CNTNAP2: variants seen among roughly 807,000 people sequenced by gnomAD.
The protein encoded by CNTNAP2 is contactin-associated protein-like 2.
CNTNAP2 carries 98 observed loss-of-function variants against 155.2 expected under a neutral mutation model. The ratio of observed to expected loss-of-function variants is 0.63; its 90% CI spans 0.54 to 0.75. CNTNAP2 has a LOEUF of 0.75. Ranked by LOEUF, CNTNAP2 falls within the 30% of genes least tolerant of loss-of-function variation. The pLI is 0.00. For synonymous variants in CNTNAP2, 651 were observed against 631.2 expected, an observed-to-expected ratio of 1.03 and a Z score of -0.47; for missense variants, 1,727 against 1,688.1, an observed-to-expected ratio of 1.02 and a Z score of -0.40.
At chr7:146,786,201 C>A (rs955339815) in intron 2 of CNTNAP2, among the ~76,000 whole-genome samples, 1 of 152,178 alleles carries the variant, frequency 6.6e-6, no homozygotes, top group African/African-American at 2.4e-5. Flanking sequence ...TATCTACTCT[C>A]CTGTGATTAA....
At chr7:147,193,794 T>G (rs970567885) in intron 8 of CNTNAP2, among the ~76,000 whole-genome samples, 1 of 152,032 alleles carries the variant, frequency 6.6e-6, no homozygotes, top group Non-Finnish European at 1.5e-5. Flanking sequence ...TACAAAAACT[T>G]CCATGCCCTT....
intron 13 of CNTNAP2, among the ~76,000 whole-genome samples, chr7:147,826,150 T>C (rs1030118951): frequency 2.6e-5 from 4 of 152,162 alleles, no homozygotes; most frequent in African/African-American, 9.7e-5. Flanking sequence ...ATGCCAGTTG[T>C]GTGAAGGATG....
At chr7:146,922,396 T>A (rs1240742284) in intron 3 of CNTNAP2, among the ~76,000 whole-genome samples, 2 of 152,180 alleles carry the variant, frequency 1.3e-5, no homozygotes, top group Non-Finnish European at 2.9e-5. Flanking sequence ...TTGACTTTTA[T>A]ATACAATACA....
In CNTNAP2 at chr7:146,517,929, C is replaced by A. The variant is rs538067236; in HGVS notation, c.98-256342C>A. Among the ~76,000 whole-genome samples the A allele has an allele frequency of 4.6e-5, 7 of 152,010 alleles. No homozygotes were observed. The East Asian group carries it at 1.4e-3, about 29-fold the overall frequency. On this transcript the variant is annotated intron_variant, in intron 1 of 23. Coordinates refer to ENST00000361727, the MANE Select transcript of CNTNAP2 (RefSeq NM_014141.6). ...ATTTAAACATTGGAAGAGGCGCTTT[C>A]AAATTTAAGCAATCAAGTGTATTCT...
At chr7:146,632,458 AT>A (rs1284048679) in intron 1 of CNTNAP2, among the ~76,000 whole-genome samples, 2 of 152,146 alleles carry the variant, frequency 1.3e-5, no homozygotes, top group African/African-American at 2.4e-5. Flanking sequence ...AGATTTTAAA[AT>A]CGATTTAGAC....
At chr7:147,927,522 T>C (rs1800416405) in intron 14 of CNTNAP2, among the ~76,000 whole-genome samples, 1 of 152,186 alleles carries the variant, frequency 6.6e-6, no homozygotes, top group African/African-American at 2.4e-5. Context: ...CTACTATGTG[T>C]TCACAAAAAT....
intron 12 of CNTNAP2, among the ~76,000 whole-genome samples, chr7:147,636,577 A>G (rs1795184422): frequency 6.6e-6 from 1 of 151,924 alleles, no homozygotes; most frequent in Non-Finnish European, 1.5e-5. Context: ...ATTTGTCCTA[A>G]TGCTCTCCCT....
chr7:146,261,052 A>G (rs1025437294), intron 1 of CNTNAP2, among the ~76,000 whole-genome samples: 1 of 151,788 alleles, frequency 6.6e-6, no homozygotes, highest in African/African-American at 2.4e-5. Context: ...ACAGGATATA[A>G]TTGTTTAAAA....
chr7:147,399,010 GATA>G (rs1162079002), intron 10 of CNTNAP2, among the ~76,000 whole-genome samples: 1 of 151,966 alleles, frequency 6.6e-6, no homozygotes, highest in Non-Finnish European at 1.5e-5. Context: ...CCGTTGAAAA[GATA>G]ATATTACTGC....
chr7:147,153,752 A>G (rs1421137881), intron 8 of CNTNAP2, among the ~76,000 whole-genome samples: 2 of 152,174 alleles, frequency 1.3e-5, no homozygotes, highest in Admixed American at 6.6e-5. Flanking sequence ...ACTGGAAGCA[A>G]CTAAAGTTTT....
chr7:146,648,047 C>T (rs1441292079), intron 1 of CNTNAP2, among the ~76,000 whole-genome samples: 3 of 152,102 alleles, frequency 2.0e-5, no homozygotes, highest in Non-Finnish European at 4.4e-5. Context: ...ATTTCCTCAC[C>T]TGACCTGGAG....
chr7:147,755,052 T>C (rs183288251), intron 13 of CNTNAP2, among the ~76,000 whole-genome samples: 29 of 152,330 alleles, frequency 1.9e-4, no homozygotes, highest in Admixed American at 3.3e-4. Context: ...TTCAAGGTTG[T>C]AAACTCTAAA....
At chr7:147,631,263 C>T (rs1352014529) in intron 12 of CNTNAP2, among the ~76,000 whole-genome samples, 4 of 151,962 alleles carry the variant, frequency 2.6e-5, no homozygotes, top group Non-Finnish European at 5.9e-5. Context: ...ATACTTAGGA[C>T]TATACCTAAC....
chr7:147,817,948 G>T (rs1444442812), intron 13 of CNTNAP2, among the ~76,000 whole-genome samples: 2 of 151,196 alleles, frequency 1.3e-5, no homozygotes, highest in African/African-American at 4.9e-5. Flanking sequence ...TTAAGCAGAT[G>T]TGGCTTATTT....
chr7:146,120,389 T>C (rs1175175206), intron 1 of CNTNAP2, among the ~76,000 whole-genome samples: 1 of 152,178 alleles, frequency 6.6e-6, no homozygotes, highest in African/African-American at 2.4e-5. Context: ...ATCTCGATTT[T>C]ATTATAGGCA....
At chr7:146,601,855 C>T (rs530342565) in intron 1 of CNTNAP2, among the ~76,000 whole-genome samples, 95 of 151,920 alleles carry the variant, frequency 6.3e-4, no homozygotes, top group African/African-American at 2.2e-3. Flanking sequence ...CTCCATATAC[C>T]ATTTCTTATA....
At chr7:146,476,201 AT>A (rs1261090711) in intron 1 of CNTNAP2, among the ~76,000 whole-genome samples, 1 of 152,170 alleles carries the variant, frequency 6.6e-6, no homozygotes, top group East Asian at 1.9e-4. Context: ...ACAAATGTAA[AT>A]TTTTTCTTCT....
chr7:147,324,629 A>G (rs1313673079), intron 9 of CNTNAP2, among the ~76,000 whole-genome samples: 1 of 152,104 alleles, frequency 6.6e-6, no homozygotes, highest in Non-Finnish European at 1.5e-5. Flanking sequence ...ATCTTTCTTC[A>G]ACTTATTTGT....
chr7:148,267,951 A>G (rs897565752), intron 21 of CNTNAP2, among the ~76,000 whole-genome samples: 2 of 152,170 alleles, frequency 1.3e-5, no homozygotes, highest in Non-Finnish European at 2.9e-5. Context: ...AAGAAGGCCA[A>G]TAAGGAATTT....
Sources: gnomAD v4.1 joint callset for allele counts (sites outside exome capture counted in the v4.1 genomes callset) on GRCh38, gnomAD v4.1.1 for gene constraint, MANE v1.5 for transcripts, NCBI Gene and HGNC (gene_info 2026-07-23, HGNC 2026-07-21) for gene names.